Variants in OCA2 observed in about 807,000 individuals in gnomAD.
The protein encoded by OCA2 is P protein.
Under a neutral mutation model 100.2 loss-of-function variants are expected in OCA2, and 77 were observed. The ratio of observed to expected loss-of-function variants is 0.77; its 90% CI spans 0.64 to 0.93. The LOEUF is 0.93. Among genes scored for constraint, OCA2 ranks in the 40% least tolerant of loss-of-function variants. The pLI, the probability that OCA2 is intolerant of heterozygous loss-of-function variation, is 0.00. For missense variants in OCA2, 1,062 were observed against 1,089.1 expected (o/e 0.98, Z 0.35); for synonymous variants, 432 against 439.2 (o/e 0.98, Z 0.21).
At chr15:27,903,382 G>T (rs2038039739) in intron 19 of OCA2, among the ~76,000 whole-genome samples, 1 of 152,234 alleles carries the variant, frequency 6.6e-6, no homozygotes, top group African/African-American at 2.4e-5. Flanking sequence ...GGACGCCTGT[G>T]CAGGGGACCC....
At chr15:27,869,915 C>T (rs11855885) in intron 21 of OCA2, among the ~76,000 whole-genome samples, 2,413 of 152,286 alleles carry the variant, frequency 0.016, 58 homozygotes, top group African/African-American at 0.051. Context: ...TGACAACAGC[C>T]GCAAGAGTTC....
chr15:27,816,083 G>A lies in OCA2; in HGVS notation c.2432+28876C>T, dbSNP rs118092199. 6.1e-4 allele frequency among the ~76,000 whole-genome samples: 93 copies of A among 152,260 alleles called. 1 individual carries two copies. In the East Asian group the frequency reaches 0.018, roughly 29 times the overall value. ...TGGGAGGCGGAGGTTGCGGGGAACC[G>A]AGATTTCACCATTGCACTCCAGCCT... On this transcript the variant is annotated intron_variant, in intron 23 of 23. Transcript: ENST00000354638.
At chr15:28,048,643 C>G (rs2043414215) in intron 2 of OCA2, among the ~76,000 whole-genome samples, 1 of 151,990 alleles carries the variant, frequency 6.6e-6, no homozygotes, top group Non-Finnish European at 1.5e-5. Flanking sequence ...GCACCAAAAT[C>G]CCAAGCAATA....
chr15:27,730,940 A>G, the OCA2 span, among the ~76,000 whole-genome samples: 1 of 151,814 alleles, frequency 6.6e-6, no homozygotes, highest in Admixed American at 6.6e-5. Context: ...CTAATTCTAA[A>G]GCCTGTGTTT....
At position 28,095,924 on chromosome 15, in the gene OCA2, C is replaced by G. The variant is rs1303756607; in HGVS notation, c.-22+3300G>C. On this transcript the variant is annotated intron_variant, in intron 1 of 23. Transcript: ENST00000354638. ...TGAACGCTCCCCTCCCCACAAAGCG[C>G]TGCTTGGCCCCAAATCGTCCCTAAT... Among the ~76,000 whole-genome samples the G allele has an allele frequency of 2.6e-5, 4 of 152,292 alleles. No homozygotes were observed. The East Asian group carries it at 7.7e-4, about 29-fold the overall frequency.
chr15:27,865,136 G>T (rs1207374181), intron 21 of OCA2, among the ~76,000 whole-genome samples: 1 of 151,866 alleles, frequency 6.6e-6, no homozygotes, highest in Non-Finnish European at 1.5e-5. Context: ...AGACACGCTT[G>T]GAGAGATGAC....
intron 18 of OCA2, among the ~76,000 whole-genome samples, chr15:27,943,525 G>C (rs566232607): frequency 1.8e-4 from 28 of 152,042 alleles, no homozygotes; most frequent in Middle Eastern, 3.4e-3. Context: ...CTAAGACTCT[G>C]GTAATTTTTT....
intron 13 of OCA2, 111 bp from the exon 14 acceptor site, chr15:27,983,594 C>T (rs1237663569): frequency 9.0e-7 from 1 of 1,115,220 alleles, no homozygotes; most frequent in Non-Finnish European, 1.3e-6. Flanking sequence ...GGCGCGCACA[C>T]ACACACACCC....
chr15:28,077,842 G>A (rs879484731), intron 2 of OCA2, among the ~76,000 whole-genome samples: 4 of 152,192 alleles, frequency 2.6e-5, no homozygotes, highest in Admixed American at 2.6e-4. Flanking sequence ...AGCACTTTCG[G>A]AGACCGAGGC....
intron 23 of OCA2, among the ~76,000 whole-genome samples, chr15:27,775,096 G>C (rs1036527446): frequency 1.5e-4 from 23 of 151,718 alleles, no homozygotes; most frequent in South Asian, 4.2e-4. Context: ...GTGTGTGTGT[G>C]TGTGTGTCTG....
At chr15:28,064,501 G>A (rs1484509301) in intron 2 of OCA2, among the ~76,000 whole-genome samples, 1 of 151,724 alleles carries the variant, frequency 6.6e-6, no homozygotes, top group African/African-American at 2.4e-5. Context: ...AGTTTCAATT[G>A]TCCTATCTTC....
chr15:27,721,733 C>A, the OCA2 span, among the ~76,000 whole-genome samples: 2 of 152,270 alleles, frequency 1.3e-5, no homozygotes, highest in East Asian at 3.9e-4. Context: ...GTAATTTACA[C>A]AGATCTGTAA....
downstream of OCA2, among the ~76,000 whole-genome samples, chr15:27,750,279 T>C (rs1457712247): frequency 6.6e-6 from 1 of 152,060 alleles, no homozygotes; most frequent in African/African-American, 2.4e-5. Flanking sequence ...ATTGAAAAAG[T>C]TACAGAACTA....
In OCA2 at chr15:27,957,702, G is replaced by A. The variant is rs775106432; in HGVS notation, c.1670C>T (p.Thr557Ile). Residue 557 changes from threonine (T) to isoleucine (I), a missense_variant, in exon 16 of 24, where the codon ACT becomes ATT. Coordinates refer to ENST00000354638, the MANE Select transcript of OCA2 (RefSeq NM_000275.3). This position sits in a 1 kb window ranked among gnomAD's most constrained non-coding sequence, Gnocchi z 4.3. ...LKHEIHVWRLTAQRISPASRE... is the reference protein window; with the variant it reads ...LKHEIHVWRLIAQRISPASRE... ...GCTGGCCGGGCTGATGCGCTGAGCA[G>A]TCAGGCGCCAGACGTGAATCTCGTG... 1 of 1,613,168 alleles carries A rather than the reference G, an allele frequency of 6.2e-7. No homozygotes were observed. The highest frequency in any genetic ancestry group is 1.1e-5 in the South Asian group (1 of 91,090).
chr15:28,066,444 T>G (rs1173446404), intron 2 of OCA2, among the ~76,000 whole-genome samples: 1 of 152,132 alleles, frequency 6.6e-6, no homozygotes, highest in African/African-American at 2.4e-5. Context: ...TGCCTCATTA[T>G]ACTCTCCTCC....
chr15:28,019,519 C>T lies in OCA2; in HGVS notation c.647-962G>A, dbSNP rs555701659. 3.0e-4 allele frequency among the ~76,000 whole-genome samples: 45 copies of T among 152,242 alleles called. 2 individuals carry two copies. The highest frequency in any genetic ancestry group is 1.0e-3 in the South Asian group (5 of 4,818). On this transcript the variant is annotated intron_variant, in intron 6 of 23. Transcript: ENST00000354638. ...GACCCTGCAACTACCGAACCGACAC[C>T]GCCTGGCTGCTGCGGGAGACACTGA...
intron 23 of OCA2, among the ~76,000 whole-genome samples, chr15:27,766,318 C>T (rs955526944): frequency 6.6e-6 from 1 of 152,180 alleles, no homozygotes; most frequent in Non-Finnish European, 1.5e-5. Context: ...ATGTTCTACT[C>T]ATGGCACTGA....
At chr15:27,745,377 C>A in the OCA2 span, among the ~76,000 whole-genome samples, 2 of 152,090 alleles carry the variant, frequency 1.3e-5, no homozygotes, top group Non-Finnish European at 2.9e-5. Context: ...ATACTTAAAG[C>A]AAAATTAGGA....
chr15:27,798,368 G>A (rs1184538681), intron 23 of OCA2, among the ~76,000 whole-genome samples: 6 of 152,180 alleles, frequency 3.9e-5, no homozygotes, highest in Non-Finnish European at 1.5e-5. Flanking sequence ...TCTACCGTAG[G>A]AGAGGAGTTT....
Sources: allele counts gnomAD v4.1 joint callset (sites outside exome capture counted in the v4.1 genomes callset), GRCh38; gene constraint gnomAD v4.1.1; non-coding constraint Gnocchi (gnomAD v3.1); transcripts MANE v1.5; gene names NCBI Gene and HGNC (gene_info 2026-07-23, HGNC 2026-07-21).